CPSF4L: variants seen among roughly 807,000 people sequenced by gnomAD.
The protein encoded by CPSF4L is cleavage and polyadenylation specific factor 4 like.
Under a neutral mutation model 24.0 loss-of-function variants are expected in CPSF4L, and 18 were observed. That is an observed-to-expected ratio of 0.75 (90% confidence interval 0.52 to 1.11). The LOEUF is 1.11. Ranked by LOEUF, CPSF4L falls within the 50% of genes least tolerant of loss-of-function variation. CPSF4L has a pLI of 0.00. For synonymous variants in CPSF4L, 72 were observed against 77.2 expected, an observed-to-expected ratio of 0.93 and a Z score of 0.35; for missense variants, 211 against 221.8, an observed-to-expected ratio of 0.95 and a Z score of 0.31.
At chr17:73,254,370 C>G (rs1230262087) in intron 3 of CPSF4L, among the ~76,000 whole-genome samples, 2 of 152,210 alleles carry the variant, frequency 1.3e-5, no homozygotes, top group African/African-American at 2.4e-5. Flanking sequence ...GGAGATATTT[C>G]CATGTCGCTG....
At chr17:73,245,242 G>A, downstream of CPSF4L, 2 of 1,609,776 alleles carry the variant, frequency 1.2e-6, no homozygotes. Flanking sequence ...GCGTACAGTG[G>A]AGACGACTGC....
the CPSF4L span, chr17:73,242,836 C>T: frequency 5.1e-6 from 7 of 1,366,266 alleles, no homozygotes; most frequent in African/African-American, 4.3e-5. Flanking sequence ...TTGAATGACT[C>T]GCGGATACTG....
At chr17:73,247,664 C>G, downstream of CPSF4L, 1 of 200,028 alleles carries the variant, frequency 5.0e-6, no homozygotes, top group East Asian at 1.3e-4. Context: ...CTTGTATTGC[C>G]AAGTTTAAGG....
At chr17:73,262,636 G>T (rs572916652), upstream of CPSF4L, among the ~76,000 whole-genome samples, 1 of 152,228 alleles carries the variant, frequency 6.6e-6, no homozygotes, top group Admixed American at 6.5e-5. Flanking sequence ...CTGCCTGCAG[G>T]GCTGGGGACA....
chr17:73,263,195 G>C (rs561017281), upstream of CPSF4L, among the ~76,000 whole-genome samples: 3 of 152,352 alleles, frequency 2.0e-5, no homozygotes, highest in South Asian at 6.2e-4. Flanking sequence ...GCTCATTAAA[G>C]GCTCACAGAA....
chr17:73,250,670 A>G (rs2062001648), intron 5 of CPSF4L, among the ~76,000 whole-genome samples: 1 of 152,208 alleles, frequency 6.6e-6, no homozygotes, highest in African/African-American at 2.4e-5. Flanking sequence ...AAAAGGAACC[A>G]GGTGATACGT....
At chr17:73,244,882 G>A (rs1301708633), downstream of CPSF4L, among the ~76,000 whole-genome samples, 1 of 151,914 alleles carries the variant, frequency 6.6e-6, no homozygotes, top group Non-Finnish European at 1.5e-5. Context: ...AGGAAAAGAA[G>A]TGCCTTTCTG....
rs1214800620 is a variant in CPSF4L, at chr17:73,257,850, A to T, written c.155-17T>A. ...AGAGTTTCCCTGGAGATGCCAGAGC[A>T]CCTGGCTGGGAGGCCCCTCATCCAC... On this transcript the variant is annotated splice_polypyrimidine_tract_variant and intron_variant, in intron 2 of 5. Transcript: ENST00000344935. 1 of 1,550,690 alleles carries T rather than the reference A, an allele frequency of 6.4e-7. No homozygotes were observed. The highest frequency in any genetic ancestry group is 2.0e-5 in the Admixed American group (1 of 50,984).
At position 73,250,235 on chromosome 17, in the gene CPSF4L, G is replaced by A. The variant is rs543781611; in HGVS notation, c.498-1699C>T. ...ATTGAGCATCTTCTCCTGACCATAG[G>A]TTAGTTTTTAATAACTCCTATCAGT... On this transcript the variant is annotated intron_variant, in intron 5 of 5. Transcript: ENST00000344935. The A allele has an allele frequency of 9.4e-5, 146 of 1,549,470 alleles. 2 individuals are homozygous for A. In the South Asian group the frequency reaches 1.7e-3, roughly 18 times the overall value.
the CPSF4L span, chr17:73,242,422 G>A: frequency 9.7e-7 from 1 of 1,028,744 alleles, no homozygotes. Flanking sequence ...TCTTCGGGCT[G>A]TTAAGCAAGG....
At chr17:73,255,654 C>G (rs995536803) in intron 3 of CPSF4L, among the ~76,000 whole-genome samples, 8 of 152,154 alleles carry the variant, frequency 5.3e-5, no homozygotes, top group African/African-American at 1.9e-4. Context: ...TCAGCTTCCT[C>G]ACGTTCATGA....
At chr17:73,257,562 C>T in intron 3 of CPSF4L, 119 bp downstream of exon 3, 1 of 1,035,516 alleles carries the variant, frequency 9.7e-7, no homozygotes, top group Non-Finnish European at 1.4e-6. Context: ...ACAGGTCTCT[C>T]TGGCCTCCAG....
chr17:73,252,939 G>A (rs2062011255), intron 4 of CPSF4L, among the ~76,000 whole-genome samples: 1 of 152,216 alleles, frequency 6.6e-6, no homozygotes, highest in Non-Finnish European at 1.5e-5. Context: ...GCTGGAGCAG[G>A]TGTCAGCTGG....
upstream of CPSF4L, among the ~76,000 whole-genome samples, chr17:73,262,952 G>T (rs2062052779): frequency 6.6e-6 from 1 of 151,902 alleles, no homozygotes; most frequent in Non-Finnish European, 1.5e-5. Context: ...AAAGAAAATA[G>T]CTGGAGAGAT....
At chr17:73,250,346 A>G in intron 5 of CPSF4L, 2 of 1,548,928 alleles carry the variant, frequency 1.3e-6, no homozygotes, top group Non-Finnish European at 1.7e-6. Context: ...TTGTAAATTC[A>G]GATTTCTAAA....
chr17:73,262,970 T>C (rs1265166604), upstream of CPSF4L, among the ~76,000 whole-genome samples: 1 of 152,136 alleles, frequency 6.6e-6, no homozygotes, highest in Non-Finnish European at 1.5e-5. Context: ...GATAGACACC[T>C]GGAGCCGAGG....
At chr17:73,245,316 TAAAG>T (rs979002846), downstream of CPSF4L, 12 of 1,414,766 alleles carry the variant, frequency 8.5e-6, no homozygotes, top group African/African-American at 1.3e-4. Context: ...GTGAAAAAAA[TAAAG>T]AATAAAATTA....
downstream of CPSF4L, chr17:73,244,725 T>C (rs2061918886): frequency 6.5e-6 from 1 of 153,518 alleles, no homozygotes; most frequent in Non-Finnish European, 1.4e-5. Flanking sequence ...AAATCACAAT[T>C]TGATGCTAAT....
rs2061982996 is a variant in CPSF4L, at chr17:73,248,492, G to A, written c.*2C>T. 1.3e-6 allele frequency: 2 copies of A among 1,551,590 alleles called. No homozygotes were observed. Among genetic ancestry groups the A allele is most frequent in the African/African-American group, 2.7e-5 (2 of 73,152 alleles). ...AGTGCCCCGCTAGGTAAGAAGCAAC[G>A]CTTAGATCTTGCTTCCAGGCAGCAG... On this transcript the variant is annotated 3_prime_UTR_variant, in exon 6 of 6. Transcript: ENST00000344935.
Sources: gnomAD v4.1 joint callset for allele counts (sites outside exome capture counted in the v4.1 genomes callset) on GRCh38, gnomAD v4.1.1 for gene constraint, MANE v1.5 for transcripts, NCBI Gene and HGNC (gene_info 2026-07-23, HGNC 2026-07-21) for gene names.